GRID2: variants seen among roughly 807,000 people sequenced by gnomAD.
The protein encoded by GRID2 is glutamate receptor ionotropic, delta-2.
A neutral mutation model predicts 114.8 loss-of-function variants in GRID2; 33 were observed. The observed-to-expected ratio is 0.29, with a 90% CI of 0.22 to 0.38. GRID2 has a LOEUF of 0.38. GRID2 is among the 10% of genes least tolerant of loss of function. GRID2 has a pLI of 1.00. For missense variants in GRID2, 1,184 were observed against 1,257.7 expected (o/e 0.94, Z 0.89); for synonymous variants, 505 against 449.9 (o/e 1.12, Z -1.55).
intron 11 of GRID2, among the ~76,000 whole-genome samples, chr4:93,470,130 T>C (rs1724660802): frequency 6.6e-6 from 1 of 152,062 alleles, no homozygotes; most frequent in South Asian, 2.1e-4. Context: ...AGGATAAGCA[T>C]ATAAAAGCCT....
At chr4:93,413,397 T>G (rs1467865196) in intron 9 of GRID2, among the ~76,000 whole-genome samples, 5 of 152,230 alleles carry the variant, frequency 3.3e-5, no homozygotes, top group African/African-American at 1.2e-4. Flanking sequence ...ATATGTTTTC[T>G]TTATAGAAGT....
intron 2 of GRID2, among the ~76,000 whole-genome samples, chr4:92,741,099 A>G (rs1416477699): frequency 6.6e-6 from 1 of 152,104 alleles, no homozygotes; most frequent in African/African-American, 2.4e-5. Context: ...GGAGTTAAAG[A>G]TGAAGATTCT....
At chr4:92,703,838 C>T (rs931060935) in intron 2 of GRID2, among the ~76,000 whole-genome samples, 21 of 151,972 alleles carry the variant, frequency 1.4e-4, no homozygotes, top group African/African-American at 4.8e-4. Flanking sequence ...GGGCTTCTAG[C>T]ACTTTTACTT....
intron 1 of GRID2, among the ~76,000 whole-genome samples, chr4:92,436,198 T>TG (rs1732728137): frequency 6.6e-6 from 1 of 152,144 alleles, no homozygotes; most frequent in Non-Finnish European, 1.5e-5. Context: ...GGATAAATAA[T>TG]GGCAATGTGT....
chr4:93,564,496 G>T (rs2149569701), intron 13 of GRID2, among the ~76,000 whole-genome samples: 1 of 152,092 alleles, frequency 6.6e-6, no homozygotes, highest in South Asian at 2.1e-4. Context: ...ATGACATTTG[G>T]CAAGGTAATT....
At chr4:93,360,009 GTCT>G (rs145112293) in intron 8 of GRID2, among the ~76,000 whole-genome samples, 20,736 of 149,030 alleles carry the variant, frequency 0.14, 2,603 homozygotes, top group African/African-American at 0.34. Flanking sequence ...ACCTTTGCAA[GTCT>G]TCTTAAAGTC....
intron 13 of GRID2, among the ~76,000 whole-genome samples, chr4:93,590,336 G>C (rs534529562): frequency 0.18 from 24,728 of 139,782 alleles, 2,503 homozygotes; most frequent in Middle Eastern, 0.29. Flanking sequence ...TCTTGTTTTT[G>C]TCAGGTTTGT....
At chr4:93,434,164 G>A (rs1458535833) in intron 10 of GRID2, among the ~76,000 whole-genome samples, 1 of 152,202 alleles carries the variant, frequency 6.6e-6, no homozygotes, top group Admixed American at 6.5e-5. Flanking sequence ...AGATCTTGTT[G>A]TATTTGTTGA....
At chr4:93,275,000 G>A (rs1291559886) in intron 8 of GRID2, among the ~76,000 whole-genome samples, 2 of 151,714 alleles carry the variant, frequency 1.3e-5, no homozygotes, top group Non-Finnish European at 2.9e-5. Flanking sequence ...CAACCCTCAG[G>A]GCTATCTATT....
chr4:93,781,408 T>C (rs1177512495), intron 1 of GRID2, among the ~76,000 whole-genome samples: 1 of 149,352 alleles, frequency 6.7e-6, no homozygotes, highest in Non-Finnish European at 1.5e-5. Flanking sequence ...CGGTGAGGCC[T>C]ACTGGGCTGC....
intron 10 of GRID2, among the ~76,000 whole-genome samples, chr4:93,429,221 A>G (rs1769164051): frequency 6.6e-6 from 1 of 152,222 alleles, no homozygotes. Flanking sequence ...GCCAGATGGC[A>G]AAGGAGCCTG....
At chr4:93,751,391 A>C (rs1014186383) in intron 14 of GRID2, among the ~76,000 whole-genome samples, 3 of 151,806 alleles carry the variant, frequency 2.0e-5, no homozygotes, top group Non-Finnish European at 4.4e-5. Flanking sequence ...GTTGCTTTTC[A>C]CCTGTTTTTC....
intron 11 of GRID2, among the ~76,000 whole-genome samples, chr4:93,490,278 T>C (rs1216125823): frequency 6.6e-6 from 1 of 151,936 alleles, no homozygotes; most frequent in Non-Finnish European, 1.5e-5. Flanking sequence ...AAATTTGTAT[T>C]AAATATAGGC....
chr4:92,900,968 C>G (rs1214615794), intron 2 of GRID2, among the ~76,000 whole-genome samples: 3 of 108,844 alleles, frequency 2.8e-5, no homozygotes, highest in Admixed American at 2.3e-4. Context: ...TTTTCTTTAT[C>G]CAGTCATCTG....
chr4:93,000,622 A>G (rs1720861293), intron 2 of GRID2, among the ~76,000 whole-genome samples: 1 of 151,672 alleles, frequency 6.6e-6, no homozygotes, highest in South Asian at 2.1e-4. Flanking sequence ...TAACTATTTT[A>G]TATATTAAAA....
intron 2 of GRID2, among the ~76,000 whole-genome samples, chr4:92,986,823 A>G (rs955270069): frequency 1.3e-5 from 2 of 152,172 alleles, no homozygotes. Flanking sequence ...TAACGTAAAG[A>G]TAAATAAAGT....
At chr4:92,995,572 A>G (rs1341836644) in intron 2 of GRID2, among the ~76,000 whole-genome samples, 1 of 152,210 alleles carries the variant, frequency 6.6e-6, no homozygotes, top group Non-Finnish European at 1.5e-5. Context: ...AGGGCCTTGT[A>G]TAAGTAAGAG....
chr4:92,477,734 AG>A (rs1455084077), intron 1 of GRID2, among the ~76,000 whole-genome samples: 1 of 148,524 alleles, frequency 6.7e-6, no homozygotes, highest in Non-Finnish European at 1.5e-5. Context: ...TCAATTAAAC[AG>A]GGTATATATG....
chr4:92,441,691 C>T (rs1285987744), intron 1 of GRID2, among the ~76,000 whole-genome samples: 1 of 151,504 alleles, frequency 6.6e-6, no homozygotes, highest in Non-Finnish European at 1.5e-5. Context: ...CTTTTTAAAG[C>T]GTGCTGAGGG....
Sources: allele counts gnomAD v4.1 joint callset (sites outside exome capture counted in the v4.1 genomes callset), GRCh38; gene constraint gnomAD v4.1.1; transcripts MANE v1.5; gene names NCBI Gene and HGNC (gene_info 2026-07-23, HGNC 2026-07-21).